The following NLGN3 variants were observed in gnomAD, a reference collection of about 807,000 sequenced individuals.
NLGN3 encodes the protein neuroligin 3.
NLGN3 carries 11 observed loss-of-function variants against 42.9 expected under a neutral mutation model. That is an observed-to-expected ratio of 0.26 (90% CI 0.16 to 0.42). The LOEUF (loss-of-function observed/expected upper bound fraction) is 0.42. NLGN3 is among the 10% of genes least tolerant of loss of function. The probability of loss-of-function intolerance (pLI) is 1.00; values close to 1 mark genes in which losing one functional copy is unlikely to be tolerated. For synonymous variants in NLGN3, 279 were observed against 312.7 expected (o/e 0.89, Z 1.14); for missense variants, 374 against 733.8 (o/e 0.51, Z 5.67).
chrX:71,171,243 A>G (rs1354588878), downstream of NLGN3: 1 of 745,522 alleles, frequency 1.3e-6, no homozygotes, highest in Non-Finnish European at 1.6e-6. Flanking sequence ...AGACCTCCGA[A>G]CAGGGTGCCT....
rs1391481967 is a variant in NLGN3, at chrX:71,169,749, G to A, written c.2199G>A (p.Lys733=). The change falls in exon 8 of 8, where the codon AAG becomes AAA. Residue 733 remains lysine, a synonymous_variant. Coordinates refer to ENST00000358741, the MANE Select transcript of NLGN3 (RefSeq NM_181303.2). ...CCTTCGCTGCCCTCTACTACCGTAAGGACAAACGGCGCCAGGAGCCCCTGC... is the reference window on the plus strand; with the variant it reads ...CCTTCGCTGCCCTCTACTACCGTAAAGACAAACGGCGCCAGGAGCCCCTGC... ...VLAFAALYYR[K]DKRRQEPLRQ... The A allele has an allele frequency of 1.3e-5, 16 of 1,211,873 alleles. No individual in the cohort carries two copies. Among genetic ancestry groups the A allele is most frequent in the Non-Finnish European group, 1.8e-5 (16 of 895,492 alleles).
At chrX:71,154,794 G>C (rs1477724469) in intron 4 of NLGN3, among the ~76,000 whole-genome samples, 1 of 111,251 alleles carries the variant, frequency 9.0e-6, no homozygotes, top group African/African-American at 3.3e-5. Flanking sequence ...GTCTAGTCTT[G>C]GGGGTTTCAG....
Position 71,148,826 on chromosome X carries a change from G to GT in NLGN3, c.458-14dup, listed in dbSNP as rs2092380903. The GT allele has an allele frequency of 1.8e-6, 2 of 1,139,938 alleles. No individual in the cohort carries two copies. Among genetic ancestry groups the GT allele is most frequent in the Non-Finnish European group, 2.3e-6 (2 of 859,230 alleles). The allele number at this position is 1,139,938 out of a possible 1,213,427, so 93.9% of individuals were successfully genotyped here. ...GGCAGAGGCCTCCTGTTATTTTTTA[G>GT]TTTTTTATTCATTTTACAGTAAAGC... is the stretch of plus-strand genomic sequence containing the variant. On this transcript the variant is annotated intron_variant, in intron 2 of 7. Coordinates refer to ENST00000358741, the MANE Select transcript of NLGN3 (RefSeq NM_181303.2).
downstream of NLGN3, among the ~76,000 whole-genome samples, chrX:71,173,607 T>C (rs1569486443): frequency 8.9e-6 from 1 of 112,452 alleles, no homozygotes; most frequent in African/African-American, 3.2e-5. Context: ...CTTTAAGGAG[T>C]TGGACACAGC....
At chrX:71,165,636 T>G (rs2092444243) in intron 6 of NLGN3, among the ~76,000 whole-genome samples, 1 of 111,292 alleles carries the variant, frequency 9.0e-6, no homozygotes, top group Non-Finnish European at 1.9e-5. Flanking sequence ...GTGATCCTCC[T>G]GCCTCAGCCC....
At chrX:71,173,953 G>A (rs933037329), downstream of NLGN3, among the ~76,000 whole-genome samples, 1 of 111,800 alleles carries the variant, frequency 8.9e-6, no homozygotes, top group Non-Finnish European at 1.9e-5. Context: ...TCATGGAGAT[G>A]AGAAGGTCTA....
intron 3 of NLGN3, among the ~76,000 whole-genome samples, chrX:71,151,096 T>A (rs150091920): frequency 1.4e-3 from 160 of 111,175 alleles, no homozygotes; most frequent in African/African-American, 5.0e-3. Flanking sequence ...GACGGGTGGG[T>A]CACTTGAGTT....
rs1168453634 is a variant in NLGN3, at chrX:71,146,172, G to GACACACACACAC, written c.-201+1246_-201+1257dup. On this transcript the variant is annotated intron_variant, in intron 1 of 7. Transcript: ENST00000358741. ...TCTCTCTCACACACACACACACACA[G>GACACACACACAC]ACACACACACACACACACACACACA... Among the ~76,000 whole-genome samples, 179 of 38,193 alleles carry GACACACACACAC rather than the reference G, an allele frequency of 4.7e-3. 7 individuals are homozygous for GACACACACACAC. Among genetic ancestry groups the GACACACACACAC allele is most frequent in the Admixed American group, 7.4e-3 (22 of 2,978 alleles). 33.2% of individuals were successfully genotyped at this position (38,193 alleles called of 115,157 possible).
intron 4 of NLGN3, among the ~76,000 whole-genome samples, chrX:71,154,193 C>T (rs1191349591): frequency 8.8e-6 from 1 of 113,271 alleles, no homozygotes; most frequent in African/African-American, 3.2e-5. Context: ...GGGCAATGAT[C>T]GGACCAGCCT....
At chrX:71,148,943 AG>A in intron 3 of NLGN3, 38 bp downstream of exon 3, 2 of 861,849 alleles carry the variant, frequency 2.3e-6, no homozygotes, top group South Asian at 6.6e-5. Flanking sequence ...AGAGAGAGAG[AG>A]GGAGGGCTGC....
chrX:71,172,616 G>C (rs1304360843), downstream of NLGN3, among the ~76,000 whole-genome samples: 1 of 91,934 alleles, frequency 1.1e-5, no homozygotes, highest in Admixed American at 1.1e-4. Context: ...GGTGCTGTGT[G>C]TGTGTGCATG....
At position 71,148,869 on chromosome X, in the gene NLGN3, G is replaced by A. The variant is rs1052933751; in HGVS notation, c.481G>A (p.Ala161Thr). 38 of 1,130,689 alleles carry A rather than the reference G, an allele frequency of 3.4e-5. No homozygotes were observed. The highest frequency in any genetic ancestry group is 8.7e-5 in the Admixed American group (3 of 34,384). 93.2% of individuals were successfully genotyped at this position (1,130,689 alleles called of 1,213,427 possible). ...AGTAAAGCGGATTTCCAAGGAATGC[G>A]CCCGAAAGCCCAACAAGAAAATTTG... The part of the protein sequence containing the change: ...EDVKRISKEC[A>T]RKPNKKICRK... Residue 161 changes from alanine to threonine, a missense_variant, in exon 3 of 8, where the codon GCC (alanine) becomes ACC (threonine). Transcript: ENST00000358741.
In NLGN3 at chrX:71,169,836, G is replaced by A; in HGVS notation, c.2286G>A (p.Glu762=). The A allele has an allele frequency of 8.3e-7, 1 of 1,203,528 alleles. No individual in the cohort carries two copies. Among genetic ancestry groups the A allele is most frequent in the Non-Finnish European group, 1.1e-6 (1 of 891,278 alleles). The part of the protein sequence containing the change: ...APELGAAPEE[E]LAALQLGPTH... ...AGTTGGGAGCTGCTCCAGAGGAGGA[G>A]CTGGCAGCATTACAACTGGGCCCCA... Residue 762 remains glutamate, a synonymous_variant, in exon 8 of 8, where the codon GAG becomes GAA. Coordinates refer to ENST00000358741, the MANE Select transcript of NLGN3 (RefSeq NM_181303.2).
At chrX:71,166,719 G>A (rs982948572) in intron 6 of NLGN3, among the ~76,000 whole-genome samples, 7 of 112,010 alleles carry the variant, frequency 6.2e-5, no homozygotes, top group African/African-American at 2.3e-4. Flanking sequence ...GAGATAAAGA[G>A]AGGCGGCATA....
At chrX:71,173,172 T>C (rs2092473945), downstream of NLGN3, among the ~76,000 whole-genome samples, 1 of 111,031 alleles carries the variant, frequency 9.0e-6, no homozygotes, top group Admixed American at 9.6e-5. Flanking sequence ...AGACCATACC[T>C]GGCCTCCTGT....
In NLGN3 at chrX:71,170,216, C is replaced by T. The variant is rs976654005; in HGVS notation, c.*119C>T. ...ACACACACACATATATGTATACGCACGCACCCACACCCTACAGCAGATCCA... is the reference window on the plus strand; with the variant it reads ...ACACACACACATATATGTATACGCATGCACCCACACCCTACAGCAGATCCA... On this transcript the variant is annotated 3_prime_UTR_variant, in exon 8 of 8. Coordinates refer to ENST00000358741, the MANE Select transcript of NLGN3 (RefSeq NM_181303.2). The T allele has an allele frequency of 4.0e-5, 46 of 1,159,459 alleles. No individual in the cohort carries two copies. The highest frequency in any genetic ancestry group is 4.7e-5 in the Non-Finnish European group (41 of 875,817).
intron 5 of NLGN3, among the ~76,000 whole-genome samples, chrX:71,160,658 C>A (rs2092426941): frequency 8.9e-6 from 1 of 112,381 alleles, no homozygotes; most frequent in African/African-American, 3.2e-5. Context: ...AAGAAAGGGA[C>A]TCCAGCAGGA....
chrX:71,145,189 C>T (rs1313622358), intron 1 of NLGN3, among the ~76,000 whole-genome samples: 2 of 107,646 alleles, frequency 1.9e-5, no homozygotes, highest in Non-Finnish European at 3.9e-5. Context: ...GCCCATGGTC[C>T]CTCTATTTCC....
At chrX:71,171,995 G>A (rs1433622962), downstream of NLGN3, among the ~76,000 whole-genome samples, 1 of 111,818 alleles carries the variant, frequency 8.9e-6, no homozygotes, top group Non-Finnish European at 1.9e-5. Context: ...GATAAAATGA[G>A]GGAGATGAAC....
Sources: allele counts gnomAD v4.1 joint callset (sites outside exome capture counted in the v4.1 genomes callset), GRCh38; gene constraint gnomAD v4.1.1; transcripts MANE v1.5; gene names NCBI Gene and HGNC (gene_info 2026-07-23, HGNC 2026-07-21).